Variants in GMIP observed in about 807,000 individuals in gnomAD.
The protein encoded by GMIP is GEM-interacting protein.
GMIP carries 54 observed loss-of-function variants against 105.3 expected under a neutral mutation model. The ratio of observed to expected loss-of-function variants is 0.51; its 90% CI spans 0.41 to 0.64. The LOEUF is 0.64. Among genes scored for constraint, GMIP ranks in the 30% least tolerant of loss-of-function variants. GMIP has a pLI of 0.00. For missense variants in GMIP, 1,110 were observed against 1,319.4 expected, an observed-to-expected ratio of 0.84 and a Z score of 2.46; for synonymous variants, 541 against 560.8, an observed-to-expected ratio of 0.96 and a Z score of 0.50.
Position 19,630,083 on chromosome 19 carries a change from G to A in GMIP, c.2793C>T (p.Pro931=), listed in dbSNP as rs1429750240. ...TCTCCTGGGTAATCTCAAAATGCTT[G>A]GGCAGCGGGGTGCGGCGCAGGGGGC... ...EGSPLRRTPL[P]KHFEITQETA... The change falls in exon 21 of 21, where the codon CCC becomes CCT. Residue 931 remains proline (P), a synonymous_variant. Transcript: ENST00000203556. This position sits in a 1 kb window ranked among gnomAD's most constrained non-coding sequence, Gnocchi z 4.8. The A allele has an allele frequency of 3.7e-6, 6 of 1,610,774 alleles. No homozygotes were observed. The highest frequency in any genetic ancestry group is 5.1e-6 in the Non-Finnish European group (6 of 1,178,754).
Position 19,635,611 on chromosome 19 carries a change from G to A in GMIP, c.1405+33C>T, listed in dbSNP as rs2061846022. 1.9e-6 allele frequency: 3 copies of A among 1,613,720 alleles called. No individual in the cohort carries two copies. Among genetic ancestry groups the A allele is most frequent in the Non-Finnish European group, 2.5e-6 (3 of 1,179,640 alleles). ...TCAGGAGTGCCTGGTGCCCTGCCCT[G>A]TCCCATCCTGACCTACCCTGCTTCA... On this transcript the variant is annotated intron_variant, in intron 14 of 20. Transcript: ENST00000203556. This position sits in a 1 kb window ranked among gnomAD's most constrained non-coding sequence, Gnocchi z 4.7.
At position 19,630,325 on chromosome 19, in the gene GMIP, C is replaced by G. The variant is rs367825362; in HGVS notation, c.2551G>C (p.Gly851Arg). Residue 851 changes from glycine to arginine, a missense_variant, in exon 21 of 21, where the codon GGC (glycine) becomes CGC (arginine). Physicochemically the swap from Gly to Arg is moderately radical, Grantham distance 125. This residue lies in a region of GMIP where 394 missense variants were observed against 450.5 expected (regional missense o/e 0.87). Coordinates refer to ENST00000203556, the MANE Select transcript of GMIP (RefSeq NM_016573.4). The surrounding 1 kb of genome is among the most constrained non-coding windows in gnomAD (Gnocchi z 4.8). ...GTCCCCAGGAGTGAGTCCTCTGGGC[C>G]TTGGCTGGACACTGTGTACGGGGTG... ...KDGGGEVSSQGPEDSLLGTQS... is the reference protein window; with the variant it reads ...KDGGGEVSSQRPEDSLLGTQS... 38 of 1,539,200 alleles carry G rather than the reference C, an allele frequency of 2.5e-5. No homozygotes were observed. The highest frequency in any genetic ancestry group is 3.2e-5 in the Non-Finnish European group (36 of 1,142,366).
In GMIP at chr19:19,639,938, T is replaced by C. The variant is rs2061900022; in HGVS notation, c.537+147A>G. Reference sequence around the variant, plus strand: ...GTAACCTTGGGCAAGTTCCCAAGCATCCCCGGGCCTCAGCTTCCTCATCAA... The same window carrying C: ...GTAACCTTGGGCAAGTTCCCAAGCACCCCCGGGCCTCAGCTTCCTCATCAA... On this transcript the variant is annotated intron_variant, in intron 7 of 20. Transcript: ENST00000203556. 5 of 605,018 alleles carry C rather than the reference T, an allele frequency of 8.3e-6. No individual in the cohort carries two copies. The South Asian group carries it at 1.0e-4, about 12-fold the overall frequency. 37.5% of individuals were successfully genotyped at this position (605,018 alleles called of 1,614,324 possible). A position where few individuals can be genotyped will look rare whatever the true frequency, so the allele number is the denominator to read the frequency against.
chr19:19,636,959 G>C lies in GMIP; in HGVS notation c.1195C>G (p.Pro399Ala). 6.3e-7 allele frequency: 1 copy of C among 1,584,810 alleles called. No individual in the cohort carries two copies. Among genetic ancestry groups the C allele is most frequent in the South Asian group, 1.1e-5 (1 of 87,102 alleles). The change falls in exon 12 of 21, where the codon CCA (proline) becomes GCA (alanine). Residue 399 changes from proline (P) to alanine (A), a missense_variant. Transcript: ENST00000203556. ...GTGCCCGGATCCTCCCAAGGGCCTG[G>C]CTCAGCTGAATTCTCATCCAGCCTT... ...PPRLDENSAEPGPWEDPGTGW... is the reference protein window; with the variant it reads ...PPRLDENSAEAGPWEDPGTGW...
intron 1 of GMIP, 115 bp from the exon 2 acceptor site, chr19:19,642,734 G>C: frequency 1.9e-6 from 1 of 526,570 alleles, no homozygotes. Flanking sequence ...GAGAGAGAAA[G>C]AGAGGGCTGG....
chr19:19,634,708 G>T lies in GMIP; in HGVS notation c.1888-5C>A. On this transcript the variant is annotated splice_polypyrimidine_tract_variant and splice_region_variant and intron_variant, in intron 17 of 20. Transcript: ENST00000203556. The surrounding 1 kb of genome is among the most constrained non-coding windows in gnomAD (Gnocchi z 6.1). ...GGGGATCACGGGCTCGGTGAGCTGG[G>T]GGTGGAACGGAGGGCGCAACACGAG... The T allele has an allele frequency of 1.2e-6, 2 of 1,608,630 alleles. No homozygotes were observed. The highest frequency in any genetic ancestry group is 8.5e-7 in the Non-Finnish European group (1 of 1,175,992).
rs763082247 is a variant in GMIP, at chr19:19,633,819, G to A, written c.2456C>T (p.Thr819Met). The change falls in exon 19 of 21, where the codon ACG (threonine) becomes ATG (methionine). Residue 819 changes from threonine to methionine, a missense_variant. This residue lies in a region of GMIP where 394 missense variants were observed against 450.5 expected (regional missense o/e 0.87). Transcript: ENST00000203556. ...QHHSTLEQHP[T>M]ATPTEIPTPQ... Reference sequence around the variant, plus strand: ...GGTTCTTACCTCGGTAGGTGTGGCCGTGGGATGCTGCTCCAGGGTACTGTG... The same window carrying A: ...GGTTCTTACCTCGGTAGGTGTGGCCATGGGATGCTGCTCCAGGGTACTGTG... 1.8e-5 allele frequency: 27 copies of A among 1,470,624 alleles called. No individual in the cohort carries two copies. The highest frequency in any genetic ancestry group is 7.2e-5 in the East Asian group (3 of 41,668). The allele number at this position is 1,470,624 out of a possible 1,614,324, so 91.1% of individuals were successfully genotyped here.
Position 19,637,628 on chromosome 19 carries a change from G to T in GMIP, c.928-67C>A. 7.7e-7 allele frequency: 1 copy of T among 1,291,136 alleles called. No individual in the cohort carries two copies. Among genetic ancestry groups the T allele is most frequent in the Non-Finnish European group, 1.0e-6 (1 of 967,328 alleles). The allele number at this position is 1,291,136 out of a possible 1,614,324, so 80.0% of individuals were successfully genotyped here. A position where few individuals can be genotyped will look rare whatever the true frequency, so the allele number is the denominator to read the frequency against. On this transcript the variant is annotated intron_variant, in intron 10 of 20. Coordinates refer to ENST00000203556, the MANE Select transcript of GMIP (RefSeq NM_016573.4). The surrounding 1 kb of genome is among the most constrained non-coding windows in gnomAD (Gnocchi z 6.7). The stretch of plus-strand genomic sequence containing the variant: ...GGAGCCTGGGGGCAGGGCCAGAGCT[G>T]GGGCGGGGCTTGAGAGACGCGAACG...
intron 1 of GMIP, 92 bp from the exon 2 acceptor site, chr19:19,642,711 A>C: frequency 1.0e-5 from 6 of 575,270 alleles, no homozygotes; most frequent in Non-Finnish European, 1.6e-5. Flanking sequence ...GTGGAAGAGA[A>C]AGGGAAGAGT....
chr19:19,630,168 A>C lies in GMIP; in HGVS notation c.2708T>G (p.Val903Gly). 6.2e-7 allele frequency: 1 copy of C among 1,604,464 alleles called. No individual in the cohort carries two copies. Among genetic ancestry groups the C allele is most frequent in the Non-Finnish European group, 8.5e-7 (1 of 1,173,750 alleles). The change falls in exon 21 of 21, where the codon GTG becomes GGG. Residue 903 changes from valine (V) to glycine (G), a missense_variant. By Grantham distance (109) the Val-to-Gly change is moderately radical. Coordinates refer to ENST00000203556, the MANE Select transcript of GMIP (RefSeq NM_016573.4). This position sits in a 1 kb window ranked among gnomAD's most constrained non-coding sequence, Gnocchi z 4.8. ...KLCEETPITS[V>G]PRGSLRGRGP... is the part of the protein sequence containing the mutation. The stretch of plus-strand genomic sequence containing the variant: ...CCGCCCCCGCAAACTCCCTCTGGGC[A>C]CTGATGTGATGGGGGTCTCCTCGCA...
intron 4 of GMIP, 122 bp downstream of exon 4, chr19:19,641,688 G>T: frequency 2.6e-6 from 2 of 769,324 alleles, no homozygotes; most frequent in Non-Finnish European, 2.3e-6. Flanking sequence ...GAGATCTGTT[G>T]TGTGTACTGC....
chr19:19,640,295 C>T lies in GMIP; in HGVS notation c.429+1G>A. On this transcript the variant is annotated splice_donor_variant, in intron 6 of 20. Transcript: ENST00000203556. LOFTEE classifies it high-confidence loss of function. Reference sequence around the variant, plus strand: ...CTCCGGGGGGGTCTGGTCATGACTACCTGCTGTTGAATGGACACCTTGCCA... The same window carrying T: ...CTCCGGGGGGGTCTGGTCATGACTATCTGCTGTTGAATGGACACCTTGCCA... 6.2e-7 allele frequency: 1 copy of T among 1,613,632 alleles called. No individual in the cohort carries two copies. Among genetic ancestry groups the T allele is most frequent in the South Asian group, 1.1e-5 (1 of 91,076 alleles).
chr19:19,630,341 G>C lies in GMIP; in HGVS notation c.2540-5C>G. 2 of 1,544,876 alleles carry C rather than the reference G, an allele frequency of 1.3e-6. No individual in the cohort carries two copies. The highest frequency in any genetic ancestry group is 1.7e-6 in the Non-Finnish European group (2 of 1,146,146). On this transcript the variant is annotated splice_region_variant and splice_polypyrimidine_tract_variant and intron_variant, in intron 20 of 20. Coordinates refer to ENST00000203556, the MANE Select transcript of GMIP (RefSeq NM_016573.4). This position sits in a 1 kb window ranked among gnomAD's most constrained non-coding sequence, Gnocchi z 4.8. ...CCTCTGGGCCTTGGCTGGACACTGT[G>C]TACGGGGTGGGTGGTCAGTGCAGAG...
chr19:19,642,104 A>G, intron 2 of GMIP, 53 bp from the exon 3 acceptor site: 1 of 1,264,654 alleles, frequency 7.9e-7, no homozygotes, highest in Non-Finnish European at 1.1e-6. Context: ...CTGTCCTGCC[A>G]AGGGGTGCTG....
At chr19:19,631,987 CAAA>C (rs1167199239) in intron 19 of GMIP, among the ~76,000 whole-genome samples, 2 of 105,082 alleles carry the variant, frequency 1.9e-5, no homozygotes, top group Non-Finnish European at 1.9e-5. Flanking sequence ...GACTCCATCT[CAAA>C]AAAAAAAAAA....
At chr19:19,638,575 G>A in intron 7 of GMIP, 93 bp from the exon 8 acceptor site, 1 of 1,046,012 alleles carries the variant, frequency 9.6e-7, no homozygotes, top group Non-Finnish European at 1.4e-6. Flanking sequence ...CATGTGCTTT[G>A]CCACCTCTGG....
Position 19,635,396 on chromosome 19 carries a change from T to G in GMIP, c.1560+19A>C. The G allele has an allele frequency of 6.2e-7, 1 of 1,605,452 alleles. No individual in the cohort carries two copies. Among genetic ancestry groups the G allele is most frequent in the Non-Finnish European group, 8.5e-7 (1 of 1,176,618 alleles). ...TCAAGGGTCAGCAAAGGTCATTTGG[T>G]CATTAACCCAGGCCACACCTCCTCA... On this transcript the variant is annotated intron_variant, in intron 15 of 20. Transcript: ENST00000203556. This position sits in a 1 kb window ranked among gnomAD's most constrained non-coding sequence, Gnocchi z 4.7.
intron 2 of GMIP, 29 bp from the exon 3 acceptor site, chr19:19,642,080 A>T (rs2061927913): frequency 6.6e-7 from 1 of 1,504,760 alleles, no homozygotes; most frequent in South Asian, 1.1e-5. Flanking sequence ...TCAGGATGCC[A>T]CCTTACACCC....
At position 19,630,919 on chromosome 19, in the gene GMIP, G is replaced by C. The variant is rs1259854518; in HGVS notation, c.2473-382C>G. Among the ~76,000 whole-genome samples the C allele has an allele frequency of 2.0e-5, 3 of 152,138 alleles. No individual in the cohort carries two copies. Among genetic ancestry groups the C allele is most frequent in the Non-Finnish European group, 4.4e-5 (3 of 68,020 alleles). On this transcript the variant is annotated intron_variant, in intron 19 of 20. Coordinates refer to ENST00000203556, the MANE Select transcript of GMIP (RefSeq NM_016573.4). The surrounding 1 kb of genome is among the most constrained non-coding windows in gnomAD (Gnocchi z 4.8). ...CGATGCCCTTATAAGTGTACTGCTT[G>C]GCCAGGCATGGTGGTGCATGCCTGT...
Sources: gnomAD v4.1 joint callset for allele counts (sites outside exome capture counted in the v4.1 genomes callset) on GRCh38, gnomAD v4.1.1 for gene constraint, gnomAD v4.1.1 regional missense constraint, Gnocchi (gnomAD v3.1) non-coding constraint, MANE v1.5 for transcripts, NCBI Gene and HGNC (gene_info 2026-07-23, HGNC 2026-07-21) for gene names.